The following WDFY4 variants were observed in gnomAD, a reference collection of about 807,000 sequenced individuals.
WDFY4 encodes the protein WDFY family member 4, also known as WD repeat- and FYVE domain-containing protein 4.
WDFY4 carries 169 observed loss-of-function variants against 351.9 expected under a neutral mutation model. The observed-to-expected ratio is 0.48, with a 90% CI of 0.42 to 0.55. WDFY4 has a LOEUF of 0.55. Among genes scored for constraint, WDFY4 ranks in the 20% least tolerant of loss-of-function variants. The pLI is 0.00. For synonymous variants in WDFY4, 1,622 were observed against 1,574.6 expected (o/e 1.03, Z -0.71); for missense variants, 3,803 against 3,935.6 (o/e 0.97, Z 0.90).
intron 39 of WDFY4, among the ~76,000 whole-genome samples, chr10:48,860,717 T>C (rs1716896479): frequency 6.6e-6 from 1 of 152,228 alleles, no homozygotes. Flanking sequence ...TTTTGATATT[T>C]TCTATTTTCA....
At chr10:48,962,188 C>A (rs927202432) in intron 53 of WDFY4, among the ~76,000 whole-genome samples, 4 of 152,208 alleles carry the variant, frequency 2.6e-5, no homozygotes, top group Non-Finnish European at 4.4e-5. Flanking sequence ...GCAAACATCT[C>A]CAGAAGTTCA....
At chr10:48,771,300 C>T (rs747530011) in intron 13 of WDFY4, among the ~76,000 whole-genome samples, 83 of 152,190 alleles carry the variant, frequency 5.5e-4, no homozygotes, top group Non-Finnish European at 2.4e-4. Context: ...GCAACATACT[C>T]GACCATTTTT....
intron 47 of WDFY4, among the ~76,000 whole-genome samples, chr10:48,923,506 A>ATGTATG (rs1554812692): frequency 8.7e-6 from 1 of 115,116 alleles, no homozygotes; most frequent in Non-Finnish European, 2.0e-5. Context: ...GTATATATAT[A>ATGTATG]TATATATGTC....
chr10:48,787,980 T>TCTCCTTCTC (rs1565199372), intron 20 of WDFY4, among the ~76,000 whole-genome samples: 2 of 52,988 alleles, frequency 3.8e-5, no homozygotes, highest in Non-Finnish European at 7.8e-5. Flanking sequence ...TTCTTCTTCT[T>TCTCCTTCTC]CTTCTCCTTC....
chr10:48,971,555 C>T (rs953614990), intron 57 of WDFY4, among the ~76,000 whole-genome samples: 2 of 151,734 alleles, frequency 1.3e-5, no homozygotes, highest in Non-Finnish European at 2.9e-5. Flanking sequence ...TTCACTGAAA[C>T]ATGTTCTCTG....
At chr10:48,961,849 G>A (rs946143829) in intron 53 of WDFY4, among the ~76,000 whole-genome samples, 13 of 152,092 alleles carry the variant, frequency 8.5e-5, no homozygotes, top group African/African-American at 1.9e-4. Context: ...TTTACAAGAG[G>A]ACAGAGGACC....
At chr10:48,849,187 T>C (rs2068875928) in intron 39 of WDFY4, among the ~76,000 whole-genome samples, 1 of 152,134 alleles carries the variant, frequency 6.6e-6, no homozygotes, top group Non-Finnish European at 1.5e-5. Flanking sequence ...ACAGAAACCT[T>C]AAAAAAATAA....
At chr10:48,873,818 G>A (rs973223418) in intron 41 of WDFY4, 121 bp downstream of exon 41, 9 of 1,162,666 alleles carry the variant, frequency 7.7e-6, no homozygotes, top group Non-Finnish European at 1.1e-5. Flanking sequence ...GCAGTTAAAT[G>A]TAGGAGAGTC....
intron 17 of WDFY4, among the ~76,000 whole-genome samples, chr10:48,778,316 C>G (rs2066103578): frequency 6.6e-6 from 1 of 152,208 alleles, no homozygotes; most frequent in Admixed American, 6.5e-5. Flanking sequence ...AGATTGGTGC[C>G]CTTTCCTATC....
At chr10:48,754,131 T>C (rs1345119867) in intron 12 of WDFY4, among the ~76,000 whole-genome samples, 1 of 152,196 alleles carries the variant, frequency 6.6e-6, no homozygotes, top group East Asian at 1.9e-4. Flanking sequence ...TCATGACATA[T>C]AATCCTTTTA....
intron 20 of WDFY4, among the ~76,000 whole-genome samples, chr10:48,787,887 TCTTCTCCTTCTTCTTC>T (rs2066490343): frequency 6.4e-5 from 5 of 78,716 alleles, no homozygotes; most frequent in African/African-American, 4.4e-4. Context: ...TCTTTCTTCT[TCTTCTCCTTCTTCTTC>T]TTCTTCTTCT....
chr10:48,692,998 G>A (rs2063236008), intron 1 of WDFY4, among the ~76,000 whole-genome samples: 1 of 152,302 alleles, frequency 6.6e-6, no homozygotes. Context: ...CTGGAAGGTG[G>A]CATGTTTGGA....
Position 48,877,141 on chromosome 10 carries a change from T to A in WDFY4, c.7109T>A (p.Phe2370Tyr). 1 of 1,551,640 alleles carries A rather than the reference T, an allele frequency of 6.4e-7. No homozygotes were observed. The highest frequency in any genetic ancestry group is 1.7e-4 in the Middle Eastern group (1 of 5,984). Residue 2370 changes from phenylalanine to tyrosine, a missense_variant, in exon 43 of 62, where the codon TTC (phenylalanine) becomes TAC (tyrosine). Transcript: ENST00000325239. ...ALHESLHSED[F>Y]LELCRERQVI... ...CACGAAAGTCTGCACTCAGAAGACT[T>A]CTTGGAACTGTGTCGGGAAAGACAA...
intron 6 of WDFY4, among the ~76,000 whole-genome samples, chr10:48,726,977 C>T (rs2064291187): frequency 6.6e-6 from 1 of 152,196 alleles, no homozygotes; most frequent in Admixed American, 6.5e-5. Context: ...AGGAATGGGC[C>T]ACACCCTCCT....
intron 2 of WDFY4, among the ~76,000 whole-genome samples, chr10:48,719,075 A>C (rs542088963): frequency 2.4e-4 from 36 of 152,276 alleles, no homozygotes; most frequent in African/African-American, 7.7e-4. Flanking sequence ...AAATGTAAGA[A>C]TAGATTGAGA....
chr10:48,913,686 T>A, intron 47 of WDFY4: 2 of 1,613,066 alleles, frequency 1.2e-6, no homozygotes, highest in Non-Finnish European at 1.7e-6. Flanking sequence ...GGGGATGTTG[T>A]TCAGTAGGTT....
At chr10:48,847,333 T>G (rs1255431641) in intron 39 of WDFY4, among the ~76,000 whole-genome samples, 1 of 152,164 alleles carries the variant, frequency 6.6e-6, no homozygotes, top group Non-Finnish European at 1.5e-5. Flanking sequence ...TGTCTCCAAA[T>G]ATTGTCACAT....
intron 39 of WDFY4, among the ~76,000 whole-genome samples, chr10:48,854,088 T>C (rs2928399): frequency 1.3e-5 from 2 of 151,772 alleles, no homozygotes; most frequent in Non-Finnish European, 2.9e-5. Context: ...AGTGCTAATT[T>C]TAATTTTTAG....
rs1248228577 is a variant in WDFY4 at position 48,914,134 on chromosome 10, G to A, written c.7586+12271G>A. The A allele has an allele frequency of 5.6e-6, 9 of 1,613,770 alleles. No homozygotes were observed. The East Asian group carries it at 2.0e-4, about 36-fold the overall frequency. On this transcript the variant is annotated intron_variant, in intron 47 of 61. Coordinates refer to ENST00000325239, the MANE Select transcript of WDFY4 (RefSeq NM_001394531.1). ...TTGAGGGTGATCTTCTTGCCCTTGG[G>A]GCCTTTCTCACCCTTAACCATGTTC...
Sources: gnomAD v4.1 joint callset for allele counts (sites outside exome capture counted in the v4.1 genomes callset) on GRCh38, gnomAD v4.1.1 for gene constraint, MANE v1.5 for transcripts, NCBI Gene and HGNC (gene_info 2026-07-23, HGNC 2026-07-21) for gene names.